The following ZNF707 variants were observed in gnomAD, a reference collection of about 807,000 sequenced individuals.
ZNF707 encodes zinc finger protein 707.
In ZNF707, 8 loss-of-function variants were observed where a neutral mutation model predicts 13.3. The ratio of observed to expected loss-of-function variants is 0.60; its 90% confidence interval spans 0.35 to 1.09. ZNF707 has a LOEUF of 1.09. ZNF707 is among the 50% of genes least tolerant of loss of function. The pLI is 0.02. For synonymous variants in ZNF707, 225 were observed against 205.6 expected (o/e 1.09, Z -0.81); for missense variants, 530 against 512.6 (o/e 1.03, Z -0.33).
intron 3 of ZNF707, 35 bp downstream of exon 3, chr8:143,690,158 C>T: frequency 6.2e-7 from 1 of 1,601,128 alleles, no homozygotes; most frequent in South Asian, 1.1e-5. Context: ...AGCCTCCCTT[C>T]TGCCCTGCTG....
chr8:143,694,135 T>G lies in ZNF707; in HGVS notation c.721T>G (p.Phe241Val). The change falls in exon 6 of 6, where the codon TTC (phenylalanine) becomes GTC (valine). Residue 241 changes from phenylalanine (F) to valine (V), a missense_variant. Phe to Val is a conservative substitution (Grantham distance 50). Coordinates refer to ENST00000358656, the MANE Select transcript of ZNF707 (RefSeq NM_001100598.2). This position sits in a 1 kb window ranked among gnomAD's most constrained non-coding sequence, Gnocchi z 4.4. ...PFCCEACGQA[F>V]SLKDRLAQHR... ...CTGCTGCGAGGCCTGCGGGCAGGCG[T>G]TCAGCCTGAAGGACCGCCTGGCTCA... is the stretch of plus-strand genomic sequence containing the variant. 6.3e-7 allele frequency: 1 copy of G among 1,595,804 alleles called. No homozygotes were observed. Among genetic ancestry groups the G allele is most frequent in the Non-Finnish European group, 8.5e-7 (1 of 1,171,244 alleles).
At position 143,694,294 on chromosome 8, in the gene ZNF707, G is replaced by T; in HGVS notation, c.880G>T (p.Gly294Cys). 6.3e-7 allele frequency: 1 copy of T among 1,599,290 alleles called. No homozygotes were observed. The highest frequency in any genetic ancestry group is 8.5e-7 in the Non-Finnish European group (1 of 1,171,418). ...GCGGCCGTTCTACTGCGCGGACTGC[G>T]GCAAAGCCTTCCGGACCAAGGAGAA... is the stretch of plus-strand genomic sequence containing the variant. ...GERPFYCADC[G>C]KAFRTKENLS... Residue 294 changes from glycine to cysteine, a missense_variant, in exon 6 of 6, where the codon GGC (glycine) becomes TGC (cysteine). Physicochemically the swap from Gly to Cys is radical, Grantham distance 159. Transcript: ENST00000358656. This position sits in a 1 kb window ranked among gnomAD's most constrained non-coding sequence, Gnocchi z 4.4.
intron 1 of ZNF707, among the ~76,000 whole-genome samples, chr8:143,686,390 C>T (rs189577947): frequency 6.6e-6 from 1 of 151,832 alleles, no homozygotes; most frequent in Non-Finnish European, 1.5e-5. Flanking sequence ...TTATTTTTAT[C>T]ACTGTGGTCA....
chr8:143,691,915 C>T, intron 5 of ZNF707: 1 of 1,129,764 alleles, frequency 8.9e-7, no homozygotes, highest in Non-Finnish European at 1.3e-6. Context: ...GGGGGTGGGG[C>T]TCGAAAGGCA....
chr8:143,689,034 T>TGG (rs1816556910), intron 1 of ZNF707, 170 bp from the exon 2 acceptor site: 1 of 152,292 alleles, frequency 6.6e-6, no homozygotes, highest in African/African-American at 2.4e-5. Flanking sequence ...AGTACTGTGC[T>TGG]TCCGTAGGCT....
intron 1 of ZNF707, among the ~76,000 whole-genome samples, chr8:143,685,578 G>A (rs1587364870): frequency 6.7e-6 from 1 of 148,550 alleles, no homozygotes; most frequent in African/African-American, 2.5e-5. Flanking sequence ...TGTGGCTGAC[G>A]CCTGTAACCC....
intron 5 of ZNF707, among the ~76,000 whole-genome samples, chr8:143,692,863 C>T (rs1269212846): frequency 4.1e-5 from 6 of 147,056 alleles, no homozygotes; most frequent in Middle Eastern, 3.2e-3. Flanking sequence ...GTGGAGCCCC[C>T]GGCTGGGGAG....
In ZNF707 at chr8:143,693,942, C is replaced by T. The variant is rs782118437; in HGVS notation, c.528C>T (p.Phe176=). The change falls in exon 6 of 6, where the codon TTC becomes TTT. Residue 176 remains phenylalanine (F), a synonymous_variant. Coordinates refer to ENST00000358656, the MANE Select transcript of ZNF707 (RefSeq NM_001100598.2). The surrounding 1 kb of genome is among the most constrained non-coding windows in gnomAD (Gnocchi z 4.1). The part of the protein sequence containing the change: ...RRKQRAVELS[F]ICGTCGKALS... Reference sequence around the variant, plus strand: ...AGCAGCGCGCAGTAGAGCTGTCATTCATCTGCGGCACGTGCGGGAAGGCGC... The same window carrying T: ...AGCAGCGCGCAGTAGAGCTGTCATTTATCTGCGGCACGTGCGGGAAGGCGC... The T allele has an allele frequency of 6.0e-5, 96 of 1,603,062 alleles. No homozygotes were observed. The highest frequency in any genetic ancestry group is 8.1e-5 in the Non-Finnish European group (95 of 1,175,688).
chr8:143,694,658 A>G lies in ZNF707; in HGVS notation c.*128A>G. 1 of 1,090,304 alleles carries G rather than the reference A, an allele frequency of 9.2e-7. No individual in the cohort carries two copies. The highest frequency in any genetic ancestry group is 1.3e-6 in the Non-Finnish European group (1 of 787,740). The allele number at this position is 1,090,304 out of a possible 1,614,324, so 67.5% of individuals were successfully genotyped here. A position where few individuals can be genotyped will look rare whatever the true frequency, so the allele number is the denominator to read the frequency against. ...TCAGAGAAGCCTTCTTAGTCCTCAG[A>G]GCTCCCCAGTCCCCCGAGAAGTTTA... On this transcript the variant is annotated 3_prime_UTR_variant, in exon 6 of 6. Transcript: ENST00000358656. This position sits in a 1 kb window ranked among gnomAD's most constrained non-coding sequence, Gnocchi z 4.4.
chr8:143,689,497 G>A (rs532640076), intron 2 of ZNF707, among the ~76,000 whole-genome samples, 196 bp downstream of exon 2: 8 of 152,126 alleles, frequency 5.3e-5, no homozygotes, highest in South Asian at 2.1e-4. Flanking sequence ...TCAGCGGGCT[G>A]GGGCCCTAAG....
chr8:143,686,476 C>T (rs1816282438), intron 1 of ZNF707, among the ~76,000 whole-genome samples: 1 of 152,128 alleles, frequency 6.6e-6, no homozygotes, highest in African/African-American at 2.4e-5. Flanking sequence ...CTCAGTGTGC[C>T]TTTTCATGTT....
At chr8:143,691,905 G>A (rs782813797) in intron 5 of ZNF707, 192 bp downstream of exon 5, 3 of 1,055,084 alleles carry the variant, frequency 2.8e-6, no homozygotes, top group African/African-American at 1.6e-5. Flanking sequence ...GACACTGGCC[G>A]GGGGTGGGGC....
At chr8:143,685,396 C>T (rs1554611669) in intron 1 of ZNF707, among the ~76,000 whole-genome samples, 3 of 151,962 alleles carry the variant, frequency 2.0e-5, no homozygotes, top group South Asian at 2.1e-4. Context: ...TGGTGGTGCA[C>T]GCCTGTAATC....
Position 143,693,982 on chromosome 8 carries a change from C to CGGCT in ZNF707, c.570_573dup (p.Leu192AlafsTer271). 1 of 1,602,108 alleles carries CGGCT rather than the reference C, an allele frequency of 6.2e-7. No individual in the cohort carries two copies. Among genetic ancestry groups the CGGCT allele is most frequent in the Non-Finnish European group, 8.5e-7 (1 of 1,175,900 alleles). ...CGGGAAGGCGCTCAGCTGCCACAGCCGGCTGCTCGCTCACCAGACGGTGCA... is the reference window on the plus strand; with the variant it reads ...CGGGAAGGCGCTCAGCTGCCACAGCCGGCTGGCTGCTCGCTCACCAGACGGTGCA... On this transcript the variant is annotated frameshift_variant, in exon 6 of 6. Coordinates refer to ENST00000358656, the MANE Select transcript of ZNF707 (RefSeq NM_001100598.2). LOFTEE classifies it low-confidence loss of function (END_TRUNC). The surrounding 1 kb of genome is among the most constrained non-coding windows in gnomAD (Gnocchi z 4.1).
In ZNF707 at chr8:143,694,086, G is replaced by A. The variant is rs1282007465; in HGVS notation, c.672G>A (p.Lys224=). ...CTTCAAACCTGCAGCGCCACCAGAAGAACCACACGCGCGAGAAGCCCTTCT... is the reference window on the plus strand; with the variant it reads ...CTTCAAACCTGCAGCGCCACCAGAAAAACCACACGCGCGAGAAGCCCTTCT... The part of the protein sequence containing the change: ...RWASNLQRHQ[K]NHTREKPFCC... Residue 224 remains lysine (K), a synonymous_variant, in exon 6 of 6, where the codon AAG becomes AAA. Transcript: ENST00000358656. The surrounding 1 kb of genome is among the most constrained non-coding windows in gnomAD (Gnocchi z 4.4). 6.2e-7 allele frequency: 1 copy of A among 1,608,282 alleles called. No homozygotes were observed. Among genetic ancestry groups the A allele is most frequent in the Non-Finnish European group, 8.5e-7 (1 of 1,178,280 alleles).
chr8:143,685,667 C>A lies in ZNF707; in HGVS notation c.-151+1125C>A, dbSNP rs371284407. ...TCAGTCTTGGCAACATAGTGAGACC[C>A]CGTTTCTGCAAAAAACTTAAAACAA... is the stretch of plus-strand genomic sequence containing the variant. On this transcript the variant is annotated intron_variant, in intron 1 of 5. Transcript: ENST00000358656. Among the ~76,000 whole-genome samples, 225 of 152,238 alleles carry A rather than the reference C, an allele frequency of 1.5e-3. 2 individuals carry two copies. The Middle Eastern group carries it at 0.034, about 23-fold the overall frequency.
In ZNF707 at chr8:143,693,841, G is replaced by C; in HGVS notation, c.427G>C (p.Ala143Pro). The C allele has an allele frequency of 6.2e-7, 1 of 1,612,084 alleles. No homozygotes were observed. The highest frequency in any genetic ancestry group is 8.5e-7 in the Non-Finnish European group (1 of 1,179,486). ...CAGAGCTGCTCCAGAAAGGACAGAC[G>C]CCAAGCCCACGGCTTTCCCGTGTCA... ...LPRAAPERTD[A>P]KPTAFPCQVL... The change falls in exon 6 of 6, where the codon GCC becomes CCC. Residue 143 changes from alanine (A) to proline (P), a missense_variant. Ala to Pro is a conservative substitution (Grantham distance 27, BLOSUM62 -1). Transcript: ENST00000358656. The surrounding 1 kb of genome is among the most constrained non-coding windows in gnomAD (Gnocchi z 4.1).
intron 1 of ZNF707, among the ~76,000 whole-genome samples, chr8:143,685,895 A>G (rs1554611863): frequency 6.6e-6 from 1 of 152,162 alleles, no homozygotes; most frequent in Non-Finnish European, 1.5e-5. Context: ...AGTAGCTATG[A>G]CAATATCCTT....
intron 1 of ZNF707, among the ~76,000 whole-genome samples, chr8:143,685,598 G>A (rs942930156): frequency 5.3e-5 from 8 of 151,944 alleles, no homozygotes; most frequent in Non-Finnish European, 1.0e-4. Context: ...CCAGCACTTG[G>A]GGAGGCTGAG....
Sources: gnomAD v4.1 joint callset for allele counts (sites outside exome capture counted in the v4.1 genomes callset) on GRCh38, gnomAD v4.1.1 for gene constraint, Gnocchi (gnomAD v3.1) non-coding constraint, MANE v1.5 for transcripts, NCBI Gene and HGNC (gene_info 2026-07-23, HGNC 2026-07-21) for gene names.